The following RGS5 variants were observed in gnomAD, a reference collection of about 807,000 sequenced individuals.
The protein encoded by RGS5 is regulator of G protein signaling 5.
In RGS5, 20 loss-of-function variants were observed where a neutral mutation model predicts 18.9. The observed-to-expected ratio is 1.06, with a 90% CI of 0.74 to 1.54. RGS5 has a LOEUF of 1.54. Among genes scored for constraint, RGS5 ranks in the 40% most tolerant of loss-of-function variants. The probability of loss-of-function intolerance (pLI) is 0.00; values close to 1 mark genes in which losing one functional copy is unlikely to be tolerated. For missense variants in RGS5, 201 were observed against 211.8 expected (o/e 0.95, Z 0.32); for synonymous variants, 57 against 76.2 (o/e 0.75, Z 1.31).
chr1:163,225,571 C>A (rs1183978714), intron 2 of RGS5, among the ~76,000 whole-genome samples: 2 of 151,936 alleles, frequency 1.3e-5, no homozygotes, highest in Non-Finnish European at 2.9e-5. Context: ...CTAGAATACA[C>A]CCACCCACAC....
intron 2 of RGS5, among the ~76,000 whole-genome samples, chr1:163,277,416 T>G (rs1034562241): frequency 3.3e-5 from 5 of 152,216 alleles, no homozygotes; most frequent in African/African-American, 1.2e-4. Context: ...CTAAATTGAT[T>G]GATACTTGTA....
chr1:163,159,235 A>G (rs1386591085), intron 3 of RGS5, among the ~76,000 whole-genome samples: 1 of 152,142 alleles, frequency 6.6e-6, no homozygotes, highest in Non-Finnish European at 1.5e-5. Context: ...GAGGTGACAT[A>G]CATCCTCCTC....
intron 2 of RGS5, among the ~76,000 whole-genome samples, chr1:163,299,445 T>C (rs756485289): frequency 2.0e-5 from 3 of 152,216 alleles, no homozygotes; most frequent in Non-Finnish European, 4.4e-5. Context: ...CAAGGACTTT[T>C]GGTTTTGCCT....
At chr1:163,265,131 C>T (rs1031398842) in intron 2 of RGS5, among the ~76,000 whole-genome samples, 1 of 152,120 alleles carries the variant, frequency 6.6e-6, no homozygotes, top group Non-Finnish European at 1.5e-5. Context: ...TTCTGTGTCT[C>T]ACAAAGGTTA....
At position 163,147,277 on chromosome 1, in the gene RGS5, T is replaced by C. The variant is rs1657167314; in HGVS notation, c.*65A>G. 2 of 1,478,728 alleles carry C rather than the reference T, an allele frequency of 1.4e-6. No individual in the cohort carries two copies. Among genetic ancestry groups the C allele is most frequent in the Non-Finnish European group, 1.8e-6 (2 of 1,103,218 alleles). 91.6% of individuals were successfully genotyped at this position (1,478,728 alleles called of 1,614,324 possible). ...TGCTGTGGGAAGATATGTAGATTAA[T>C]GGGAAATGCAGGGTTATTATGGAGG... On this transcript the variant is annotated 3_prime_UTR_variant, in exon 5 of 5. Transcript: ENST00000313961.
chr1:163,189,237 A>C (rs1181762097), intron 1 of RGS5, among the ~76,000 whole-genome samples: 1 of 152,202 alleles, frequency 6.6e-6, no homozygotes, highest in Non-Finnish European at 1.5e-5. Flanking sequence ...CAATCTGGGA[A>C]GTTTTATTGA....
rs542695801 is a variant in RGS5, at chr1:163,284,397, T to C, written c.-281+21836A>G. ...TAAGTCTTAAGATACTGCTCACTTA[T>C]TTAGATGTGCATTTTAAATGTTTGT... On this transcript the variant is annotated intron_variant, in intron 2 of 5. Coordinates refer to the RGS5 transcript ENST00000618415. Among the ~76,000 whole-genome samples, 11 of 152,336 alleles carry C rather than the reference T, an allele frequency of 7.2e-5. 1 individual carries two copies. In the South Asian group the frequency reaches 1.9e-3, roughly 26 times the overall value.
At chr1:163,175,755 T>A (rs937044967) in intron 1 of RGS5, among the ~76,000 whole-genome samples, 1 of 152,230 alleles carries the variant, frequency 6.6e-6, no homozygotes, top group African/African-American at 2.4e-5. Context: ...TTAAAACATG[T>A]ATTTATTTTC....
intron 2 of RGS5, among the ~76,000 whole-genome samples, chr1:163,292,067 C>T (rs12730780): frequency 0.42 from 63,217 of 151,878 alleles, 13,650 homozygotes; most frequent in South Asian, 0.5. Context: ...CCTTGTTACA[C>T]AGGTAAACAT....
In RGS5 at chr1:163,202,860, G is replaced by T; in HGVS notation, c.-25C>A. On this transcript the variant is annotated 5_prime_UTR_variant, in exon 1 of 5. Coordinates refer to ENST00000313961, the MANE Select transcript of RGS5 (RefSeq NM_003617.4). ...TTTTGGCAGGTGGCTTAGCTCCTCCGCTTTAAGTACAACTTCTTAACAGCA... is the reference window on the plus strand; with the variant it reads ...TTTTGGCAGGTGGCTTAGCTCCTCCTCTTTAAGTACAACTTCTTAACAGCA... 1 of 1,611,124 alleles carries T rather than the reference G, an allele frequency of 6.2e-7. No homozygotes were observed. Among genetic ancestry groups the T allele is most frequent in the Non-Finnish European group, 8.5e-7 (1 of 1,177,884 alleles).
intron 2 of RGS5, among the ~76,000 whole-genome samples, chr1:163,224,522 GAT>G (rs1647293819): frequency 6.6e-6 from 1 of 152,164 alleles, no homozygotes; most frequent in Admixed American, 6.5e-5. Flanking sequence ...TGGGAGTGCA[GAT>G]ATCTCTTCGA....
chr1:163,188,121 C>T (rs1186657965), intron 1 of RGS5, among the ~76,000 whole-genome samples: 2 of 152,052 alleles, frequency 1.3e-5, no homozygotes, highest in African/African-American at 2.4e-5. Context: ...TGCAGCTGCA[C>T]TGCACTCAGT....
chr1:163,185,499 C>A (rs1298719497), intron 1 of RGS5, among the ~76,000 whole-genome samples: 1 of 152,132 alleles, frequency 6.6e-6, no homozygotes, highest in African/African-American at 2.4e-5. Flanking sequence ...CTCTCAACCC[C>A]CCAGGCTCAA....
intron 1 of RGS5, among the ~76,000 whole-genome samples, chr1:163,315,381 A>AC (rs2101652966): frequency 6.6e-6 from 1 of 152,304 alleles, no homozygotes; most frequent in African/African-American, 2.4e-5. Context: ...ACATAGTGAG[A>AC]CCCCATCTCT....
At chr1:163,274,697 T>C (rs994484326) in intron 2 of RGS5, among the ~76,000 whole-genome samples, 1 of 152,182 alleles carries the variant, frequency 6.6e-6, no homozygotes, top group African/African-American at 2.4e-5. Context: ...GAACTGAAGC[T>C]AGCTCCAGGT....
chr1:163,227,079 C>A (rs1647354721), intron 2 of RGS5, among the ~76,000 whole-genome samples: 1 of 152,180 alleles, frequency 6.6e-6, no homozygotes, highest in African/African-American at 2.4e-5. Context: ...TAAATGTTTG[C>A]CATTCCTACA....
At chr1:163,243,472 CCT>C (rs1449800778) in intron 2 of RGS5, among the ~76,000 whole-genome samples, 1 of 151,642 alleles carries the variant, frequency 6.6e-6, no homozygotes, top group Non-Finnish European at 1.5e-5. Context: ...ACAGTGAAAC[CCT>C]GTCTCTACTA....
rs1657123645 is a variant in RGS5, at chr1:163,146,246, T to TC, written c.*1095_*1096insG. 1 of 141,728 alleles carries TC rather than the reference T, an allele frequency of 7.1e-6. No individual in the cohort carries two copies. Among genetic ancestry groups the TC allele is most frequent in the Non-Finnish European group, 1.5e-5 (1 of 67,320 alleles). 8.8% of individuals were successfully genotyped at this position (141,728 alleles called of 1,614,324 possible). A position where few individuals can be genotyped will look rare whatever the true frequency, so the allele number is the denominator to read the frequency against. On this transcript the variant is annotated 3_prime_UTR_variant, in exon 5 of 5. Transcript: ENST00000313961. ...TGGGGTTGCTAAAAGATTACTTTTT[T>TC]TTTTTTTTTTTGCAAAATGCAGTGT...
intron 2 of RGS5, among the ~76,000 whole-genome samples, chr1:163,249,457 A>G (rs1351606125): frequency 1.3e-5 from 2 of 152,136 alleles, no homozygotes; most frequent in African/African-American, 2.4e-5. Flanking sequence ...TTTCTTTGAG[A>G]AAATCACCCA....
Sources: allele counts gnomAD v4.1 joint callset (sites outside exome capture counted in the v4.1 genomes callset), GRCh38; gene constraint gnomAD v4.1.1; transcripts MANE v1.5; gene names NCBI Gene and HGNC (gene_info 2026-07-23, HGNC 2026-07-21).